Variants in NT5C2 observed in about 807,000 individuals in gnomAD.
NT5C2 encodes cytosolic purine 5'-nucleotidase.
NT5C2 carries 58 observed loss-of-function variants against 76.1 expected under a neutral mutation model. That is an observed-to-expected ratio of 0.76 (90% CI 0.62 to 0.95). NT5C2 has a LOEUF of 0.95. Among genes scored for constraint, NT5C2 ranks in the 40% least tolerant of loss-of-function variants. The pLI is 0.00. For missense variants in NT5C2, 478 were observed against 690.3 expected (o/e 0.69, Z 3.45); for synonymous variants, 229 against 237.4 (o/e 0.96, Z 0.32).
At chr10:103,159,666 G>GA (rs2084328052) in intron 3 of NT5C2, among the ~76,000 whole-genome samples, 3 of 147,440 alleles carry the variant, frequency 2.0e-5, no homozygotes, top group South Asian at 2.1e-4. Flanking sequence ...AAAAAAAAAA[G>GA]AAAGAAAAGA....
At chr10:103,177,564 C>T (rs2090232476) in intron 2 of NT5C2, among the ~76,000 whole-genome samples, 1 of 152,126 alleles carries the variant, frequency 6.6e-6, no homozygotes, top group South Asian at 2.1e-4. Flanking sequence ...CACTGTTGCC[C>T]AGGCTGGAGT....
intron 4 of NT5C2, among the ~76,000 whole-genome samples, chr10:103,126,671 A>T (rs2135879083): frequency 6.6e-6 from 1 of 152,316 alleles, no homozygotes; most frequent in South Asian, 2.1e-4. Context: ...GGCCAGTGGT[A>T]AAGCTAACAC....
At chr10:103,140,708 T>C (rs2080254945) in intron 3 of NT5C2, among the ~76,000 whole-genome samples, 1 of 152,218 alleles carries the variant, frequency 6.6e-6, no homozygotes. Context: ...TTCTTATCTT[T>C]TTGATAAAAG....
At chr10:103,138,874 G>C (rs1012051314) in intron 4 of NT5C2, among the ~76,000 whole-genome samples, 5 of 152,164 alleles carry the variant, frequency 3.3e-5, no homozygotes, top group Non-Finnish European at 7.3e-5. Context: ...GGGTGTGGTG[G>C]TGCATGCCTG....
chr10:103,135,260 G>A (rs926075505), intron 4 of NT5C2, among the ~76,000 whole-genome samples: 1 of 152,174 alleles, frequency 6.6e-6, no homozygotes, highest in Non-Finnish European at 1.5e-5. Flanking sequence ...ATTCCCACAT[G>A]GTGTAGGAGG....
chr10:103,157,854 C>A (rs1174855242), intron 3 of NT5C2, among the ~76,000 whole-genome samples: 1 of 152,126 alleles, frequency 6.6e-6, no homozygotes, highest in East Asian at 1.9e-4. Flanking sequence ...GCGGACAGAT[C>A]GTGAGGTCAA....
chr10:103,187,446 G>A (rs766318186), intron 1 of NT5C2, among the ~76,000 whole-genome samples: 10 of 148,730 alleles, frequency 6.7e-5, no homozygotes, highest in Non-Finnish European at 9.0e-5. Flanking sequence ...CCAGCTACTC[G>A]GGAGATTAAG....
At chr10:103,157,879 C>T (rs2083780354) in intron 3 of NT5C2, among the ~76,000 whole-genome samples, 1 of 152,008 alleles carries the variant, frequency 6.6e-6, no homozygotes, top group South Asian at 2.1e-4. Context: ...TTGAGACCAT[C>T]CTGGCCAACA....
intron 3 of NT5C2, among the ~76,000 whole-genome samples, chr10:103,170,509 G>GCA (rs1365389723): frequency 2.7e-5 from 4 of 146,684 alleles, no homozygotes; most frequent in Non-Finnish European, 4.5e-5. Flanking sequence ...ACACACACAA[G>GCA]CACACACACA....
chr10:103,188,633 T>C (rs2092328138), intron 1 of NT5C2, among the ~76,000 whole-genome samples: 1 of 152,220 alleles, frequency 6.6e-6, no homozygotes, highest in African/African-American at 2.4e-5. Flanking sequence ...GTCCAGATTC[T>C]GTAGAGGTCA....
intron 4 of NT5C2, among the ~76,000 whole-genome samples, chr10:103,131,156 T>C (rs1292410718): frequency 6.6e-6 from 1 of 152,242 alleles, no homozygotes; most frequent in Non-Finnish European, 1.5e-5. Flanking sequence ...TGACATGTGA[T>C]GTCCTATGCA....
intron 4 of NT5C2, among the ~76,000 whole-genome samples, chr10:103,134,729 C>T (rs1395667661): frequency 2.0e-5 from 3 of 152,188 alleles, no homozygotes; most frequent in South Asian, 2.1e-4. Flanking sequence ...CACCGTGCAC[C>T]TGGAAAAGCC....
chr10:103,095,918 C>T (rs2068055165), intron 12 of NT5C2, 21 bp downstream of exon 12: 1 of 1,597,758 alleles, frequency 6.3e-7, no homozygotes, highest in African/African-American at 1.3e-5. Flanking sequence ...AAGCAGTGGT[C>T]TATTGAGTCA....
intron 3 of NT5C2, among the ~76,000 whole-genome samples, chr10:103,171,058 C>G (rs1442965705): frequency 6.6e-6 from 1 of 152,056 alleles, no homozygotes; most frequent in Non-Finnish European, 1.5e-5. Flanking sequence ...ACACGCCATA[C>G]CTAGCAACAT....
intron 9 of NT5C2, among the ~76,000 whole-genome samples, 183 bp downstream of exon 9, chr10:103,099,743 T>C (rs2069079945): frequency 7.1e-6 from 1 of 140,638 alleles, no homozygotes; most frequent in African/African-American, 2.7e-5. Context: ...TGAGGAAAGA[T>C]CAACATTACC....
chr10:103,135,345 T>C (rs1340137241), intron 4 of NT5C2, among the ~76,000 whole-genome samples: 1 of 152,228 alleles, frequency 6.6e-6, no homozygotes, highest in Non-Finnish European at 1.5e-5. Flanking sequence ...ATAAGTCTCA[T>C]GAGATCTGAT....
chr10:103,157,059 T>TTA (rs966818635), intron 3 of NT5C2, among the ~76,000 whole-genome samples: 1 of 149,164 alleles, frequency 6.7e-6, no homozygotes, highest in African/African-American at 2.4e-5. Context: ...TATATTACTC[T>TTA]TATATATATT....
intron 2 of NT5C2, among the ~76,000 whole-genome samples, chr10:103,177,385 A>T (rs1179994689): frequency 4.6e-5 from 7 of 152,244 alleles, no homozygotes; most frequent in Non-Finnish European, 8.8e-5. Context: ...AATAAGGATG[A>T]AAAATATCCT....
At chr10:103,125,314 C>T in intron 4 of NT5C2, 1 of 506,792 alleles carries the variant, frequency 2.0e-6, no homozygotes, top group Non-Finnish European at 3.6e-6. Context: ...AAAAAAAAGA[C>T]AATGACTTTG....
Sources: allele counts gnomAD v4.1 joint callset (sites outside exome capture counted in the v4.1 genomes callset), GRCh38; gene constraint gnomAD v4.1.1; transcripts MANE v1.5; gene names NCBI Gene and HGNC (gene_info 2026-07-23, HGNC 2026-07-21).